Variants in SENP7 observed in about 807,000 individuals in gnomAD.
SENP7 encodes SUMO specific peptidase 7.
Under a neutral mutation model 141.2 loss-of-function variants are expected in SENP7, and 64 were observed. That is an observed-to-expected ratio of 0.45 (90% CI 0.37 to 0.56). The LOEUF is 0.56. Among genes scored for constraint, SENP7 ranks in the 20% least tolerant of loss-of-function variants. The pLI, the probability that SENP7 is intolerant of heterozygous loss-of-function variation, is 0.00. For missense variants in SENP7, 1,025 were observed against 1,212.2 expected (o/e 0.85, Z 2.29); for synonymous variants, 382 against 426.4 (o/e 0.90, Z 1.28).
At chr3:101,499,867 C>A (rs1451151670) in intron 2 of SENP7, among the ~76,000 whole-genome samples, 1 of 152,076 alleles carries the variant, frequency 6.6e-6, no homozygotes, top group Admixed American at 6.6e-5. Context: ...CGGGGTTTCA[C>A]CATGTTGGCC....
chr3:101,464,431 C>G (rs1052551158), intron 3 of SENP7, among the ~76,000 whole-genome samples: 1 of 152,134 alleles, frequency 6.6e-6, no homozygotes, highest in African/African-American at 2.4e-5. Context: ...CCCCATTACT[C>G]ACATTACCAC....
intron 4 of SENP7, among the ~76,000 whole-genome samples, chr3:101,435,675 A>G (rs2062359940): frequency 6.6e-6 from 1 of 152,078 alleles, no homozygotes; most frequent in African/African-American, 2.4e-5. Context: ...AAGTAATCTC[A>G]TTTACAATAA....
chr3:101,464,479 G>C (rs1374350776), intron 3 of SENP7, among the ~76,000 whole-genome samples: 2 of 152,028 alleles, frequency 1.3e-5, no homozygotes, highest in East Asian at 3.9e-4. Flanking sequence ...GGCAGCATTA[G>C]ATTCTCAAAG....
At chr3:101,384,710 T>C (rs1455459366) in intron 6 of SENP7, among the ~76,000 whole-genome samples, 1 of 152,152 alleles carries the variant, frequency 6.6e-6, no homozygotes, top group Non-Finnish European at 1.5e-5. Flanking sequence ...GGGCCAGTAG[T>C]GGGAGCCAAG....
chr3:101,475,284 C>T (rs2064170388), intron 3 of SENP7, among the ~76,000 whole-genome samples: 1 of 152,084 alleles, frequency 6.6e-6, no homozygotes, highest in Non-Finnish European at 1.5e-5. Context: ...TTCACAATAA[C>T]CAAGACACGG....
At chr3:101,468,563 T>C (rs2178038) in intron 3 of SENP7, among the ~76,000 whole-genome samples, 60,348 of 151,888 alleles carry the variant, frequency 0.4, 12,505 homozygotes, top group Admixed American at 0.54. Context: ...TCAACATTCT[T>C]AAAGAAAAGA....
intron 6 of SENP7, among the ~76,000 whole-genome samples, chr3:101,397,935 T>C (rs549099189): frequency 2.8e-4 from 43 of 152,336 alleles, no homozygotes; most frequent in African/African-American, 9.9e-4. Context: ...ACAGATTTTT[T>C]CTTATTTCCA....
chr3:101,417,703 T>A lies in SENP7; in HGVS notation c.372A>T (p.Leu124Phe). 1 of 1,613,974 alleles carries A rather than the reference T, an allele frequency of 6.2e-7. No individual in the cohort carries two copies. Among genetic ancestry groups the A allele is most frequent in the South Asian group, 1.1e-5 (1 of 91,080 alleles). Reference sequence around the variant, plus strand: ...CTGATTGCACCTTGTTGGCATCACATAAATTAGCATCGTTTCTAGGTAGGG... The same window carrying A: ...CTGATTGCACCTTGTTGGCATCACAAAAATTAGCATCGTTTCTAGGTAGGG... ...RKTLPRNDANLCDANKVQSDS... is the reference protein window; with the variant it reads ...RKTLPRNDANFCDANKVQSDS... The change falls in exon 5 of 24, where the codon TTA becomes TTT. Residue 124 changes from leucine to phenylalanine, a missense_variant. By Grantham distance (22) the Leu-to-Phe change is conservative. This residue lies in a region of SENP7 where 496 missense variants were observed against 503.5 expected (regional missense o/e 0.99). Coordinates refer to ENST00000394095, the MANE Select transcript of SENP7 (RefSeq NM_020654.5).
intron 6 of SENP7, among the ~76,000 whole-genome samples, chr3:101,387,741 G>A (rs535051933): frequency 3.9e-5 from 6 of 152,152 alleles, no homozygotes; most frequent in South Asian, 4.1e-4. Context: ...TGATTCTTCC[G>A]GGAGCCTGAA....
intron 9 of SENP7, among the ~76,000 whole-genome samples, 179 bp downstream of exon 9, chr3:101,366,251 T>C (rs950958542): frequency 6.6e-6 from 1 of 152,232 alleles, no homozygotes; most frequent in African/African-American, 2.4e-5. Flanking sequence ...CCTAAATCGA[T>C]ATTTTAAAAC....
chr3:101,413,302 AG>A (rs2061505652), intron 5 of SENP7, among the ~76,000 whole-genome samples: 2 of 152,200 alleles, frequency 1.3e-5, no homozygotes, highest in African/African-American at 4.8e-5. Context: ...AGCAAGTATC[AG>A]GTAGAAAACA....
intron 7 of SENP7, among the ~76,000 whole-genome samples, chr3:101,369,346 T>C (rs2060120806): frequency 6.6e-6 from 1 of 152,180 alleles, no homozygotes; most frequent in Non-Finnish European, 1.5e-5. Flanking sequence ...ACACCATACA[T>C]CTTCTCTTCA....
intron 3 of SENP7, among the ~76,000 whole-genome samples, chr3:101,464,107 G>A (rs1290577926): frequency 2.0e-5 from 3 of 152,146 alleles, no homozygotes; most frequent in Non-Finnish European, 4.4e-5. Flanking sequence ...TTACAGGTGT[G>A]AGCCACCACA....
chr3:101,426,081 C>T (rs1163533270), intron 4 of SENP7, among the ~76,000 whole-genome samples: 1 of 152,138 alleles, frequency 6.6e-6, no homozygotes, highest in Non-Finnish European at 1.5e-5. Flanking sequence ...ACATGGAAAA[C>T]ATATTTCTGA....
intron 4 of SENP7, among the ~76,000 whole-genome samples, chr3:101,435,664 A>G (rs1313164257): frequency 6.6e-6 from 1 of 152,122 alleles, no homozygotes. Flanking sequence ...AAAAAATTAA[A>G]AAGTAATCTC....
At chr3:101,374,963 A>G (rs2107456738) in intron 6 of SENP7, among the ~76,000 whole-genome samples, 1 of 152,264 alleles carries the variant, frequency 6.6e-6, no homozygotes, top group African/African-American at 2.4e-5. Context: ...GTATTTGAAG[A>G]GATGTTTCTC....
intron 13 of SENP7, among the ~76,000 whole-genome samples, chr3:101,345,098 T>C (rs1306538562): frequency 1.3e-5 from 2 of 150,946 alleles, no homozygotes; most frequent in East Asian, 2.0e-4. Context: ...ACCAGTACCA[T>C]ACTGTTTTGG....
intron 6 of SENP7, among the ~76,000 whole-genome samples, chr3:101,388,743 A>T (rs1248331412): frequency 6.6e-6 from 1 of 152,124 alleles, no homozygotes; most frequent in Non-Finnish European, 1.5e-5. Context: ...AATATGAAGA[A>T]ATTAGGAAAA....
At chr3:101,465,066 C>G (rs1385836424) in intron 3 of SENP7, among the ~76,000 whole-genome samples, 1 of 152,162 alleles carries the variant, frequency 6.6e-6, no homozygotes, top group Admixed American at 6.5e-5. Context: ...TCCTCAATGT[C>G]ACCAATGTAC....
Sources: allele counts gnomAD v4.1 joint callset (sites outside exome capture counted in the v4.1 genomes callset), GRCh38; gene constraint gnomAD v4.1.1; regional missense constraint gnomAD v4.1.1; transcripts MANE v1.5; gene names NCBI Gene and HGNC (gene_info 2026-07-23, HGNC 2026-07-21).